TENT2: variants seen among roughly 807,000 people sequenced by gnomAD.
The protein encoded by TENT2 is terminal nucleotidyltransferase 2, also known as poly(A) RNA polymerase GLD2.
In TENT2, 44 loss-of-function variants were observed where a neutral mutation model predicts 72.2. That is an observed-to-expected ratio of 0.61 (90% CI 0.48 to 0.78). The LOEUF is 0.78. Among genes scored for constraint, TENT2 ranks in the 30% least tolerant of loss-of-function variants. The probability of loss-of-function intolerance (pLI) is 0.00; values close to 1 mark genes in which losing one functional copy is unlikely to be tolerated. For synonymous variants in TENT2, 212 were observed against 192.5 expected (o/e 1.10, Z -0.84); for missense variants, 541 against 569.6 (o/e 0.95, Z 0.51).
chr5:79,637,525 C>T (rs1781069232), intron 4 of TENT2, among the ~76,000 whole-genome samples: 1 of 152,122 alleles, frequency 6.6e-6, no homozygotes, highest in South Asian at 2.1e-4. Flanking sequence ...CTCCCAGGCT[C>T]AAGCGATCCT....
intron 12 of TENT2, among the ~76,000 whole-genome samples, chr5:79,673,562 G>A (rs541002038): frequency 6.9e-4 from 97 of 141,388 alleles, no homozygotes; most frequent in Non-Finnish European, 8.0e-4. Flanking sequence ...GCTTTCCCTA[G>A]TGTATGTCTT....
chr5:79,621,524 C>A (rs910108614), intron 3 of TENT2, among the ~76,000 whole-genome samples: 3 of 151,178 alleles, frequency 2.0e-5, no homozygotes, highest in South Asian at 4.2e-4. Context: ...TTTGGGAGGC[C>A]GAGGCAGGCA....
At chr5:79,669,099 T>C (rs1409284960) in intron 12 of TENT2, 71 bp downstream of exon 12, 20 of 1,487,820 alleles carry the variant, frequency 1.3e-5, no homozygotes, top group Admixed American at 7.4e-5. Context: ...TATATATGAA[T>C]ACGAATATAT....
intron 1 of TENT2, 144 bp from the exon 2 acceptor site, chr5:79,619,468 T>C (rs1763045134): frequency 2.1e-6 from 1 of 478,880 alleles, no homozygotes; most frequent in Admixed American, 3.9e-5. Flanking sequence ...TTACCTACAG[T>C]GGCACTTAGG....
At chr5:79,638,758 C>T (rs548930131) in intron 4 of TENT2, among the ~76,000 whole-genome samples, 12 of 151,980 alleles carry the variant, frequency 7.9e-5, no homozygotes, top group East Asian at 5.8e-4. Flanking sequence ...GATGAATACC[C>T]GGTCAGTCAA....
At chr5:79,683,343 C>T (rs1034588544) in intron 14 of TENT2, among the ~76,000 whole-genome samples, 2 of 147,890 alleles carry the variant, frequency 1.4e-5, no homozygotes, top group Non-Finnish European at 3.0e-5. Flanking sequence ...ACACACACAC[C>T]CCACCTCACC....
At chr5:79,648,736 T>C in intron 9 of TENT2, 43 bp downstream of exon 9, 1 of 1,401,740 alleles carries the variant, frequency 7.1e-7, no homozygotes, top group East Asian at 2.3e-5. Context: ...CTTTTTTTCT[T>C]TATTCATTTT....
intron 4 of TENT2, among the ~76,000 whole-genome samples, chr5:79,630,875 A>G (rs1192509597): frequency 1.3e-5 from 2 of 149,962 alleles, no homozygotes; most frequent in East Asian, 1.9e-4. Context: ...TTTTCACTGC[A>G]CTATGGAGAG....
chr5:79,683,055 G>A (rs578191600), intron 14 of TENT2, among the ~76,000 whole-genome samples: 2 of 152,152 alleles, frequency 1.3e-5, no homozygotes, highest in East Asian at 3.9e-4. Context: ...TGAGGCATGA[G>A]TATCACTGGA....
chr5:79,646,441 T>A (rs1404933901), intron 8 of TENT2, among the ~76,000 whole-genome samples: 1 of 152,180 alleles, frequency 6.6e-6, no homozygotes, highest in African/African-American at 2.4e-5. Flanking sequence ...ATTCACTAAT[T>A]CAGTGTTTGC....
chr5:79,645,086 A>G (rs748700461), intron 7 of TENT2, 37 bp from the exon 8 acceptor site: 2 of 1,527,368 alleles, frequency 1.3e-6, no homozygotes, highest in African/African-American at 2.8e-5. Flanking sequence ...AATTCTAGAA[A>G]CATTTGCAGC....
intron 12 of TENT2, among the ~76,000 whole-genome samples, chr5:79,678,166 C>T (rs574437440): frequency 9.2e-5 from 14 of 152,328 alleles, no homozygotes; most frequent in African/African-American, 3.1e-4. Flanking sequence ...CTTTCACAAA[C>T]TCCTCTTGAT....
intron 8 of TENT2, among the ~76,000 whole-genome samples, chr5:79,645,734 A>G (rs1306930906): frequency 6.6e-6 from 1 of 152,150 alleles, no homozygotes; most frequent in Non-Finnish European, 1.5e-5. Flanking sequence ...ATAGATGTTG[A>G]TTATTTCATT....
intron 11 of TENT2, among the ~76,000 whole-genome samples, chr5:79,663,693 C>G (rs1242432470): frequency 1.3e-5 from 2 of 152,128 alleles, no homozygotes; most frequent in East Asian, 3.9e-4. Context: ...TTACTGATCA[C>G]AGATCACCAT....
chr5:79,653,859 T>G (rs1448635498), intron 10 of TENT2, among the ~76,000 whole-genome samples: 1 of 152,224 alleles, frequency 6.6e-6, no homozygotes, highest in East Asian at 1.9e-4. Flanking sequence ...GTGACTTTGG[T>G]GAAGTTATTG....
In TENT2 at chr5:79,642,901, A is replaced by T. The variant is rs1241580942; in HGVS notation, c.742A>T (p.Thr248Ser). 2 of 1,610,938 alleles carry T rather than the reference A, an allele frequency of 1.2e-6. No homozygotes were observed. The highest frequency in any genetic ancestry group is 2.7e-5 in the African/African-American group (2 of 74,854). ...CACCTTAGTCCATAAACACTTCTGTACTAGACTTTGTAAGTCTGACATGCC... is the reference window on the plus strand; with the variant it reads ...CACCTTAGTCCATAAACACTTCTGTTCTAGACTTTGTAAGTCTGACATGCC... ...ILTLVHKHFC[T>S]RLSGYIERPQ... Residue 248 changes from threonine to serine, a missense_variant, in exon 7 of 15, where the codon ACT (threonine) becomes TCT (serine). Thr to Ser is a moderately conservative substitution (Grantham distance 58). Transcript: ENST00000453514.
chr5:79,618,567 A>G (rs1232910880), intron 1 of TENT2, among the ~76,000 whole-genome samples: 2 of 151,660 alleles, frequency 1.3e-5, no homozygotes, highest in Admixed American at 6.6e-5. Flanking sequence ...CTTGTTTTAT[A>G]TATGCAATGT....
intron 4 of TENT2, among the ~76,000 whole-genome samples, chr5:79,640,396 G>T (rs1783523554): frequency 6.6e-6 from 1 of 152,148 alleles, no homozygotes. Flanking sequence ...TGGTATTTGT[G>T]GGTGTGAATA....
At chr5:79,653,631 T>C (rs1402650236) in intron 10 of TENT2, among the ~76,000 whole-genome samples, 1 of 152,200 alleles carries the variant, frequency 6.6e-6, no homozygotes, top group Middle Eastern at 3.2e-3. Flanking sequence ...TGGCACTGCA[T>C]TCAGCCATTC....
Sources: allele counts gnomAD v4.1 joint callset (sites outside exome capture counted in the v4.1 genomes callset), GRCh38; gene constraint gnomAD v4.1.1; transcripts MANE v1.5; gene names NCBI Gene and HGNC (gene_info 2026-07-23, HGNC 2026-07-21).